Variants in PCBP3 observed in about 807,000 individuals in gnomAD.
PCBP3 encodes the protein poly(rC)-binding protein 3.
In PCBP3, 25 loss-of-function variants were observed where a neutral mutation model predicts 52.7. The ratio of observed to expected loss-of-function variants is 0.47; its 90% CI spans 0.35 to 0.66. The LOEUF (loss-of-function observed/expected upper bound fraction) is 0.66. Among genes scored for constraint, PCBP3 ranks in the 30% least tolerant of loss-of-function variants. The pLI, the probability that PCBP3 is intolerant of heterozygous loss-of-function variation, is 0.01. For synonymous variants in PCBP3, 162 were observed against 183.0 expected, an observed-to-expected ratio of 0.89 and a Z score of 0.93; for missense variants, 391 against 490.3, an observed-to-expected ratio of 0.80 and a Z score of 1.91.
rs573683608 is a variant in PCBP3 at position 45,925,189 on chromosome 21, G to A, written c.718-4728G>A. 4.6e-5 allele frequency among the ~76,000 whole-genome samples: 7 copies of A among 150,968 alleles called. No homozygotes were observed. In the East Asian group the frequency reaches 7.8e-4, roughly 17 times the overall value. On this transcript the variant is annotated intron_variant, in intron 13 of 17. Transcript: ENST00000681687. The stretch of plus-strand genomic sequence containing the variant: ...AGTCGAGTGGGTAGAAACAGCACAC[G>A]TAAGGTCGGGTGTGCGTGAGGAGAT...
chr21:45,875,200 A>G (rs1401219376), intron 5 of PCBP3, among the ~76,000 whole-genome samples: 12 of 149,370 alleles, frequency 8.0e-5, no homozygotes, highest in Non-Finnish European at 1.3e-4. Flanking sequence ...GGGCCCTTCC[A>G]CGCGGCGCGC....
chr21:45,901,148 C>A (rs745565102), intron 9 of PCBP3, 35 bp downstream of exon 9: 1 of 1,457,482 alleles, frequency 6.9e-7, no homozygotes. Context: ...GCCAGCCTGG[C>A]GGGGGCAGGC....
rs1451119295 is a variant in PCBP3 at position 45,830,833 on chromosome 21, A to T, written c.-125-19128A>T. 2.0e-5 allele frequency: 3 copies of T among 152,382 alleles called. No homozygotes were observed. The highest frequency in any genetic ancestry group is 2.0e-4 in the Admixed American group (3 of 15,310). The allele number at this position is 152,382 out of a possible 1,614,324, so 9.4% of individuals were successfully genotyped here. A position where few individuals can be genotyped will look rare whatever the true frequency, so the allele number is the denominator to read the frequency against. On this transcript the variant is annotated intron_variant, in intron 4 of 17. Coordinates refer to ENST00000681687, the MANE Select transcript of PCBP3 (RefSeq NM_001384156.1). The surrounding 1 kb of genome is among the most constrained non-coding windows in gnomAD (Gnocchi z 4.4). Reference sequence around the variant, plus strand: ...ATGATGCCGAAAATGTTTCATGATGAGGCCTTCCCAGAAAGGCGGGGAATC... The same window carrying T: ...ATGATGCCGAAAATGTTTCATGATGTGGCCTTCCCAGAAAGGCGGGGAATC...
chr21:45,934,548 T>C (rs1382503499), intron 15 of PCBP3, among the ~76,000 whole-genome samples: 2 of 152,240 alleles, frequency 1.3e-5, no homozygotes, highest in Non-Finnish European at 2.9e-5. Context: ...TGTGCAGCTT[T>C]TCATTGGCCC....
In PCBP3 at chr21:45,797,400, A is replaced by T. The variant is rs941234011; in HGVS notation, c.-126+41948A>T. On this transcript the variant is annotated intron_variant, in intron 4 of 17. Transcript: ENST00000681687. ...AATGCATGGATAGTTGAGTGCGTGG[A>T]TCTGTAGAGAGAGTGAATGCGTGGA... Among the ~76,000 whole-genome samples, 4 of 146,274 alleles carry T rather than the reference A, an allele frequency of 2.7e-5. No homozygotes were observed. The South Asian group carries it at 8.8e-4, about 32-fold the overall frequency.
At chr21:45,867,828 G>T (rs1172352034) in intron 5 of PCBP3, among the ~76,000 whole-genome samples, 1 of 152,296 alleles carries the variant, frequency 6.6e-6, no homozygotes, top group East Asian at 1.9e-4. Flanking sequence ...ATCCACAGCA[G>T]AAGGGGCCAG....
chr21:45,644,035 G>C (rs1275013069), intron 1 of PCBP3, among the ~76,000 whole-genome samples, 167 bp downstream of exon 1: 1 of 149,628 alleles, frequency 6.7e-6, no homozygotes, highest in Admixed American at 6.6e-5. Context: ...CCCGACCGCC[G>C]CCGGCGCCTG....
At chr21:45,834,972 C>T (rs934089072) in intron 4 of PCBP3, among the ~76,000 whole-genome samples, 2 of 152,230 alleles carry the variant, frequency 1.3e-5, no homozygotes, top group South Asian at 4.1e-4. Flanking sequence ...CGGTGTCCAC[C>T]CGTGCTCGGG....
At chr21:45,823,126 G>A (rs1387995842) in intron 4 of PCBP3, among the ~76,000 whole-genome samples, 1 of 152,164 alleles carries the variant, frequency 6.6e-6, no homozygotes, top group Non-Finnish European at 1.5e-5. Flanking sequence ...TGACGTAGTG[G>A]GTGAGATTAG....
At chr21:45,752,804 G>A (rs2087649846) in intron 3 of PCBP3, 1 of 151,424 alleles carries the variant, frequency 6.6e-6, no homozygotes, top group South Asian at 2.1e-4. Flanking sequence ...TTCTGTATAT[G>A]GCCATTAAGT....
chr21:45,684,055 C>CA (rs71334088), intron 2 of PCBP3, among the ~76,000 whole-genome samples: 1,325 of 78,130 alleles, frequency 0.017, 14 homozygotes, highest in East Asian at 0.037. Flanking sequence ...CCCATCTCTA[C>CA]AAAAAAAAAA....
chr21:45,789,868 A>T (rs549881876), intron 4 of PCBP3, among the ~76,000 whole-genome samples: 2 of 152,264 alleles, frequency 1.3e-5, no homozygotes, highest in South Asian at 2.1e-4. Flanking sequence ...GGCCGGGCGC[A>T]GTGGCTCACG....
intron 4 of PCBP3, among the ~76,000 whole-genome samples, chr21:45,843,718 A>T (rs1471877781): frequency 6.6e-6 from 1 of 152,220 alleles, no homozygotes; most frequent in Non-Finnish European, 1.5e-5. Context: ...CCTACTGAGT[A>T]GGAGATATGT....
rs920142251 is a variant in PCBP3 at position 45,853,345 on chromosome 21, G to A, written c.10+3250G>A. Among the ~76,000 whole-genome samples, 1 of 152,240 alleles carries A rather than the reference G, an allele frequency of 6.6e-6. No homozygotes were observed. Among genetic ancestry groups the A allele is most frequent in the African/African-American group, 2.4e-5 (1 of 41,462 alleles). ...GGTGTGCCAATGGCCCTTAAAGGCA[G>A]GGCTGGCGTTACTGGTGGAGGGTGT... is the stretch of plus-strand genomic sequence containing the variant. On this transcript the variant is annotated intron_variant, in intron 5 of 17. Transcript: ENST00000681687. The surrounding 1 kb of genome is among the most constrained non-coding windows in gnomAD (Gnocchi z 4.6).
At chr21:45,820,635 G>A (rs957259554) in intron 4 of PCBP3, among the ~76,000 whole-genome samples, 6 of 152,294 alleles carry the variant, frequency 3.9e-5, no homozygotes, top group East Asian at 3.9e-4. Flanking sequence ...GGCAGCCAGC[G>A]GGGCCTGCAG....
At chr21:45,863,639 G>A (rs965313350) in intron 5 of PCBP3, among the ~76,000 whole-genome samples, 8 of 152,222 alleles carry the variant, frequency 5.3e-5, no homozygotes, top group African/African-American at 1.9e-4. Context: ...GGAGAGCGAA[G>A]CACCACTCTC....
rs908672719 is a variant in PCBP3, at chr21:45,736,815, G to C, written c.-162+1386G>C. 6.6e-6 allele frequency among the ~76,000 whole-genome samples: 1 copy of C among 152,184 alleles called. No homozygotes were observed. The highest frequency in any genetic ancestry group is 2.4e-5 in the African/African-American group (1 of 41,450). ...CTGCCAGAATCCTGACATCCTTGTG[G>C]GGGGATCGAAAACATAAATCTAGTC... On this transcript the variant is annotated intron_variant, in intron 3 of 17. Coordinates refer to ENST00000681687, the MANE Select transcript of PCBP3 (RefSeq NM_001384156.1). This position sits in a 1 kb window ranked among gnomAD's most constrained non-coding sequence, Gnocchi z 4.6.
chr21:45,691,755 T>A (rs1321903642), intron 2 of PCBP3, among the ~76,000 whole-genome samples: 1 of 152,048 alleles, frequency 6.6e-6, no homozygotes, highest in East Asian at 1.9e-4. Flanking sequence ...AAGAATCACA[T>A]GTGGTTGAAG....
chr21:45,705,651 A>T (rs2083402668), intron 2 of PCBP3, among the ~76,000 whole-genome samples: 1 of 152,204 alleles, frequency 6.6e-6, no homozygotes, highest in African/African-American at 2.4e-5. Context: ...GGTTGCCACA[A>T]ATCAGGGATC....
Sources: gnomAD v4.1 joint callset for allele counts (sites outside exome capture counted in the v4.1 genomes callset) on GRCh38, gnomAD v4.1.1 for gene constraint, Gnocchi (gnomAD v3.1) non-coding constraint, MANE v1.5 for transcripts, NCBI Gene and HGNC (gene_info 2026-07-23, HGNC 2026-07-21) for gene names.